ASTN2: variants seen among roughly 807,000 people sequenced by gnomAD.
ASTN2 encodes the protein astrotactin-2.
Under a neutral mutation model 139.8 loss-of-function variants are expected in ASTN2, and 54 were observed. That is an observed-to-expected ratio of 0.39 (90% CI 0.31 to 0.48). The LOEUF is 0.48. Among genes scored for constraint, ASTN2 ranks in the 20% least tolerant of loss-of-function variants. ASTN2 has a pLI of 0.95. For synonymous variants in ASTN2, 756 were observed against 719.5 expected (o/e 1.05, Z -0.81); for missense variants, 1,565 against 1,725.1 (o/e 0.91, Z 1.64).
At position 116,793,103 on chromosome 9, in the gene ASTN2, GA is replaced by G. The variant is rs59302253; in HGVS notation, c.2396+12528del. Among the ~76,000 whole-genome samples the G allele has an allele frequency of 3.2e-3, 486 of 149,958 alleles. 3 individuals carry two copies. The highest frequency in any genetic ancestry group is 0.011 in the African/African-American group (459 of 40,844). ...CATGTACCCCCTGAATCTCAAAGTT[GA>G]AAAAAAAATTTAAAAAGAGAAACAA... On this transcript the variant is annotated intron_variant, in intron 13 of 22. Coordinates refer to ENST00000313400, the MANE Select transcript of ASTN2 (RefSeq NM_001365068.1).
chr9:116,846,253 A>G (rs1472088295), intron 11 of ASTN2, among the ~76,000 whole-genome samples: 1 of 152,210 alleles, frequency 6.6e-6, no homozygotes, highest in African/African-American at 2.4e-5. Flanking sequence ...GTTTTGAGAG[A>G]TAAGTGCTGT....
chr9:116,841,101 G>A (rs564242711), intron 11 of ASTN2, among the ~76,000 whole-genome samples: 284 of 152,358 alleles, frequency 1.9e-3, no homozygotes, highest in Non-Finnish European at 2.9e-3. Context: ...AGCACTGAAT[G>A]AACGAGACTC....
At chr9:116,803,520 ATATTTTT>A (rs1830946648) in intron 13 of ASTN2, among the ~76,000 whole-genome samples, 1 of 4,058 alleles carries the variant, frequency 2.5e-4, no homozygotes, top group African/African-American at 1.1e-3. Context: ...ATATATATAT[ATATTTTT>A]TTTTTTTTTT....
At chr9:116,605,965 C>T (rs1170625561) in intron 19 of ASTN2, among the ~76,000 whole-genome samples, 2 of 152,070 alleles carry the variant, frequency 1.3e-5, no homozygotes, top group Admixed American at 6.6e-5. Flanking sequence ...TGGACAAGTC[C>T]ATCTCCTCTG....
At chr9:116,753,010 C>G (rs1044396999) in intron 13 of ASTN2, among the ~76,000 whole-genome samples, 7 of 152,178 alleles carry the variant, frequency 4.6e-5, no homozygotes, top group Non-Finnish European at 1.0e-4. Flanking sequence ...TGCATGCATT[C>G]CTTAATATTT....
chr9:116,693,176 C>G (rs1157103538), intron 16 of ASTN2, among the ~76,000 whole-genome samples: 2 of 152,108 alleles, frequency 1.3e-5, no homozygotes, highest in Non-Finnish European at 2.9e-5. Context: ...TATTGTACAC[C>G]TAAGGGTATC....
At chr9:117,019,165 A>C (rs1459537048) in intron 6 of ASTN2, among the ~76,000 whole-genome samples, 1 of 151,926 alleles carries the variant, frequency 6.6e-6, no homozygotes, top group African/African-American at 2.4e-5. Context: ...AAATCATACC[A>C]TGTTGAAAGA....
At chr9:116,700,630 C>A (rs1001023662) in intron 16 of ASTN2, 3 of 167,010 alleles carry the variant, frequency 1.8e-5, no homozygotes, top group African/African-American at 7.2e-5. Flanking sequence ...ATTACTAAAA[C>A]AAACAGCAAA....
chr9:117,087,884 T>C (rs1199181396), intron 5 of ASTN2, among the ~76,000 whole-genome samples: 2 of 152,192 alleles, frequency 1.3e-5, no homozygotes, highest in African/African-American at 4.8e-5. Flanking sequence ...AGAAGCCCCA[T>C]TATTTTCTGG....
intron 10 of ASTN2, among the ~76,000 whole-genome samples, chr9:116,964,256 T>TGTGCGCGCGCGC (rs1491183340): frequency 3.3e-4 from 33 of 98,912 alleles, no homozygotes; most frequent in African/African-American, 8.4e-4. Flanking sequence ...TGTGTGTGTG[T>TGTGCGCGCGCGC]GCGCGCGCGC....
At chr9:117,305,249 C>T (rs1481480661) in intron 1 of ASTN2, among the ~76,000 whole-genome samples, 2 of 152,168 alleles carry the variant, frequency 1.3e-5, no homozygotes, top group Non-Finnish European at 2.9e-5. Flanking sequence ...ACTGATCCCT[C>T]CTCTGACTCC....
Position 116,699,247 on chromosome 9 carries a change from CA to C in ASTN2, c.2806+26523del, listed in dbSNP as rs764373255. 1.2e-6 allele frequency: 2 copies of C among 1,614,224 alleles called. No homozygotes were observed. Among genetic ancestry groups the C allele is most frequent in the Non-Finnish European group, 8.5e-7 (1 of 1,180,048 alleles). On this transcript the variant is annotated intron_variant, in intron 16 of 22. Transcript: ENST00000313400. The surrounding 1 kb of genome is among the most constrained non-coding windows in gnomAD (Gnocchi z 4.2). The stretch of plus-strand genomic sequence containing the variant: ...TGGTGTTTCACAGTTGATCGAGGAT[CA>C]GGGGTGGTCAAATACAGCTGCCTAT...
Position 116,699,856 on chromosome 9 carries a change from T to G in ASTN2, c.2806+25915A>C, listed in dbSNP as rs868402796. On this transcript the variant is annotated intron_variant, in intron 16 of 22. Coordinates refer to ENST00000313400, the MANE Select transcript of ASTN2 (RefSeq NM_001365068.1). The surrounding 1 kb of genome is among the most constrained non-coding windows in gnomAD (Gnocchi z 4.2). Reference sequence around the variant, plus strand: ...TTCAGAAGCTCCATCTTTTAATGTTTTTATTTGTTATGTCCCCCTCCCCGC... The same window carrying G: ...TTCAGAAGCTCCATCTTTTAATGTTGTTATTTGTTATGTCCCCCTCCCCGC... 14 of 1,078,790 alleles carry G rather than the reference T, an allele frequency of 1.3e-5. No individual in the cohort carries two copies. The Middle Eastern group carries it at 2.4e-3, about 186-fold the overall frequency. 66.8% of individuals were successfully genotyped at this position (1,078,790 alleles called of 1,614,324 possible).
chr9:116,527,162 T>C (rs149784417), intron 19 of ASTN2, among the ~76,000 whole-genome samples: 32 of 151,988 alleles, frequency 2.1e-4, no homozygotes, highest in Non-Finnish European at 4.1e-4. Context: ...CCCAAAGCAC[T>C]CACAACAAAG....
chr9:116,891,779 A>T (rs933386033), intron 10 of ASTN2, among the ~76,000 whole-genome samples: 6 of 152,224 alleles, frequency 3.9e-5, no homozygotes, highest in African/African-American at 1.4e-4. Flanking sequence ...TAAAAATTAC[A>T]TATATGTTTT....
chr9:117,175,275 T>C (rs974118988), intron 3 of ASTN2, among the ~76,000 whole-genome samples: 2 of 152,110 alleles, frequency 1.3e-5, no homozygotes, highest in African/African-American at 4.8e-5. Flanking sequence ...AGATAAAATG[T>C]TTAGATGTTT....
chr9:117,156,045 G>A (rs553798433), intron 3 of ASTN2, among the ~76,000 whole-genome samples: 3 of 152,100 alleles, frequency 2.0e-5, no homozygotes, highest in African/African-American at 7.2e-5. Context: ...AGATTGTAAT[G>A]GTATCATGAG....
At chr9:116,430,839 G>C (rs1847474736) in intron 22 of ASTN2, among the ~76,000 whole-genome samples, 1 of 152,338 alleles carries the variant, frequency 6.6e-6, no homozygotes, top group East Asian at 1.9e-4. Context: ...GAGTCGGAGT[G>C]AGAGAGACCA....
chr9:117,355,214 G>A (rs1019182277), intron 1 of ASTN2, among the ~76,000 whole-genome samples: 3 of 152,030 alleles, frequency 2.0e-5, no homozygotes, highest in Non-Finnish European at 4.4e-5. Flanking sequence ...AGTATTTGTT[G>A]AACAAACAAG....
Sources: gnomAD v4.1 joint callset for allele counts (sites outside exome capture counted in the v4.1 genomes callset) on GRCh38, gnomAD v4.1.1 for gene constraint, Gnocchi (gnomAD v3.1) non-coding constraint, MANE v1.5 for transcripts, NCBI Gene and HGNC (gene_info 2026-07-23, HGNC 2026-07-21) for gene names.